ARSB: variants seen among roughly 807,000 people sequenced by gnomAD.
ARSB encodes the protein arylsulfatase B.
In ARSB, 41 loss-of-function variants were observed where a neutral mutation model predicts 50.9. The observed-to-expected ratio is 0.81, with a 90% confidence interval of 0.63 to 1.04. The LOEUF (loss-of-function observed/expected upper bound fraction) is 1.04, where lower values mean the gene tolerates loss of function less well. ARSB is among the 50% of genes least tolerant of loss of function. The pLI, the probability that ARSB is intolerant of heterozygous loss-of-function variation, is 0.00. For synonymous variants in ARSB, 269 were observed against 284.8 expected, an observed-to-expected ratio of 0.94 and a Z score of 0.56; for missense variants, 672 against 693.3, an observed-to-expected ratio of 0.97 and a Z score of 0.35.
chr5:78,878,071 A>T (rs1747570186), intron 5 of ARSB, among the ~76,000 whole-genome samples: 1 of 152,098 alleles, frequency 6.6e-6, no homozygotes, highest in African/African-American at 2.4e-5. Flanking sequence ...GCCCAAAATG[A>T]AATAAAGAGA....
intron 1 of ARSB, among the ~76,000 whole-genome samples, chr5:78,972,875 T>C (rs75355074): frequency 0.017 from 2,605 of 152,304 alleles, 41 homozygotes; most frequent in South Asian, 0.079. Flanking sequence ...CTGACAATCA[T>C]ATGGAGCAGG....
chr5:78,934,570 G>A (rs1207035634), intron 4 of ARSB, among the ~76,000 whole-genome samples: 2 of 152,044 alleles, frequency 1.3e-5, no homozygotes, highest in African/African-American at 2.4e-5. Context: ...CAGGTGGATT[G>A]CCTGAGGCTA....
chr5:78,798,486 G>C (rs759217605), intron 6 of ARSB, among the ~76,000 whole-genome samples: 3 of 151,854 alleles, frequency 2.0e-5, no homozygotes. Context: ...GGCAAGGGAT[G>C]AAAGGAGAAA....
At chr5:78,854,595 T>C (rs1438538488) in intron 5 of ARSB, among the ~76,000 whole-genome samples, 2 of 152,172 alleles carry the variant, frequency 1.3e-5, no homozygotes, top group African/African-American at 4.8e-5. Context: ...TTGAGATCAT[T>C]GCAGTTTGGT....
rs945514196 is a variant in ARSB, at chr5:78,885,801, C to T, written c.925G>A (p.Gly309Ser). ...CTTCCTCGAAGGGGCCAGTTATTAC[C>T]CCCTGCCAAAGTCTGCCCTCCGTTA... ...TDNGGQTLAG[G>S]NNWPLRGRKW... is the part of the protein sequence containing the mutation. The change falls in exon 5 of 8, where the codon GGT (glycine) becomes AGT (serine). Residue 309 changes from glycine to serine, a missense_variant. By Grantham distance (56) the Gly-to-Ser change is moderately conservative. Transcript: ENST00000264914. The T allele has an allele frequency of 3.7e-6, 6 of 1,614,174 alleles. No individual in the cohort carries two copies. Among genetic ancestry groups the T allele is most frequent in the Non-Finnish European group, 5.1e-6 (6 of 1,180,034 alleles).
intron 6 of ARSB, among the ~76,000 whole-genome samples, chr5:78,797,581 C>T (rs553924906): frequency 7.9e-5 from 12 of 152,318 alleles, no homozygotes; most frequent in African/African-American, 2.6e-4. Context: ...TCAACCTCTT[C>T]AGCTTGTCTC....
At chr5:78,850,509 T>C (rs1476904001) in intron 5 of ARSB, among the ~76,000 whole-genome samples, 2 of 152,110 alleles carry the variant, frequency 1.3e-5, no homozygotes, top group East Asian at 3.8e-4. Flanking sequence ...AGGATATTGG[T>C]CTAAAATTCT....
intron 3 of ARSB, among the ~76,000 whole-genome samples, chr5:78,960,528 T>G (rs1751934572): frequency 6.6e-6 from 1 of 152,184 alleles, no homozygotes; most frequent in South Asian, 2.1e-4. Context: ...TAACATTACA[T>G]TTGCTTCCAT....
chr5:78,985,754 C>A (rs1329021444), upstream of ARSB: 1 of 152,238 alleles, frequency 6.6e-6, no homozygotes, highest in Non-Finnish European at 1.5e-5. Flanking sequence ...GCTAGCAAGT[C>A]ATTTCTAGCA....
chr5:78,875,668 A>AT (rs1444489743), intron 5 of ARSB, among the ~76,000 whole-genome samples: 2 of 144,526 alleles, frequency 1.4e-5, no homozygotes, highest in Admixed American at 6.9e-5. Flanking sequence ...TATTTATATT[A>AT]TTATTATTTT....
chr5:78,974,432 C>T (rs1752583166), intron 1 of ARSB, among the ~76,000 whole-genome samples: 1 of 152,118 alleles, frequency 6.6e-6, no homozygotes, highest in African/African-American at 2.4e-5. Flanking sequence ...TCAGTGCCTC[C>T]CTCTGTTTAA....
chr5:78,953,827 C>T (rs771903774), intron 4 of ARSB, among the ~76,000 whole-genome samples: 4 of 151,912 alleles, frequency 2.6e-5, no homozygotes, highest in Admixed American at 6.6e-5. Flanking sequence ...ATAATGTTGG[C>T]AATATCAGCA....
intron 4 of ARSB, among the ~76,000 whole-genome samples, chr5:78,898,966 T>C (rs193123991): frequency 2.9e-3 from 445 of 152,344 alleles, no homozygotes; most frequent in Non-Finnish European, 4.9e-3. Flanking sequence ...AAGAACTGCC[T>C]TTAGTATTTC....
rs553535085 is a variant in ARSB at position 78,796,908 on chromosome 5, C to T, written c.1214-14934G>A. 1.8e-4 allele frequency among the ~76,000 whole-genome samples: 23 copies of T among 129,718 alleles called. No individual in the cohort carries two copies. The South Asian group carries it at 5.4e-3, about 31-fold the overall frequency. 85.1% of individuals were successfully genotyped at this position (129,718 alleles called of 152,430 possible). A position where few individuals can be genotyped will look rare whatever the true frequency, so the allele number is the denominator to read the frequency against. ...TTTTTTTTTTTTTGAGACAGAGTCTCGCTCTGTCGCCCAGGCTGGAGTGCA... is the reference window on the plus strand; with the variant it reads ...TTTTTTTTTTTTTGAGACAGAGTCTTGCTCTGTCGCCCAGGCTGGAGTGCA... On this transcript the variant is annotated intron_variant, in intron 6 of 7. Coordinates refer to ENST00000264914, the MANE Select transcript of ARSB (RefSeq NM_000046.5).
At chr5:78,966,937 A>T (rs1376720704) in intron 2 of ARSB, among the ~76,000 whole-genome samples, 1 of 151,834 alleles carries the variant, frequency 6.6e-6, no homozygotes, top group African/African-American at 2.4e-5. Context: ...AAAAAAAAAA[A>T]AAAAAAAGCT....
intron 5 of ARSB, among the ~76,000 whole-genome samples, chr5:78,870,097 T>A (rs2112145463): frequency 7.4e-6 from 1 of 134,696 alleles, no homozygotes; most frequent in South Asian, 2.6e-4. Flanking sequence ...ACATACACTC[T>A]CCCAAGACTA....
chr5:78,830,277 G>A (rs778478066), intron 6 of ARSB, among the ~76,000 whole-genome samples: 6 of 152,202 alleles, frequency 3.9e-5, no homozygotes, highest in East Asian at 3.8e-4. Flanking sequence ...GGAGTTATGG[G>A]CCACTAACCA....
chr5:78,985,159 C>A lies in ARSB; in HGVS notation c.90G>T (p.Leu30=). Residue 30 remains leucine, a synonymous_variant, in exon 1 of 8, where the codon CTG becomes CTT. Coordinates refer to ENST00000264914, the MANE Select transcript of ARSB (RefSeq NM_000046.5). ...CGCCCGAGCCCGGCGGCGCCAACAA[C>A]AGCAGCAGCAGCAGCGGGAGGACGA... ...LPVVLPLLLL[L]LLAPPGSGAG... is the part of the protein sequence containing the mutation. 7.1e-7 allele frequency: 1 copy of A among 1,417,474 alleles called. No individual in the cohort carries two copies. Among genetic ancestry groups the A allele is most frequent in the Admixed American group, 2.7e-5 (1 of 37,506 alleles). The allele number at this position is 1,417,474 out of a possible 1,614,324, so 87.8% of individuals were successfully genotyped here. A position where few individuals can be genotyped will look rare whatever the true frequency, so the allele number is the denominator to read the frequency against.
At chr5:78,904,484 T>C (rs1748949808) in intron 4 of ARSB, among the ~76,000 whole-genome samples, 1 of 152,076 alleles carries the variant, frequency 6.6e-6, no homozygotes, top group African/African-American at 2.4e-5. Flanking sequence ...AATTTGTACA[T>C]GTATCTTGCA....
Sources: gnomAD v4.1 joint callset for allele counts (sites outside exome capture counted in the v4.1 genomes callset) on GRCh38, gnomAD v4.1.1 for gene constraint, MANE v1.5 for transcripts, NCBI Gene and HGNC (gene_info 2026-07-23, HGNC 2026-07-21) for gene names.